CAPN3: variants seen among roughly 807,000 people sequenced by gnomAD.
CAPN3 encodes calpain 3, also known as calpain-3.
A neutral mutation model predicts 114.0 loss-of-function variants in CAPN3; 88 were observed. The ratio of observed to expected loss-of-function variants is 0.77; its 90% CI spans 0.65 to 0.92. The LOEUF is 0.92. CAPN3 is among the 40% of genes least tolerant of loss of function. The pLI, the probability that CAPN3 is intolerant of heterozygous loss-of-function variation, is 0.00. For synonymous variants in CAPN3, 386 were observed against 382.9 expected, an observed-to-expected ratio of 1.01 and a Z score of -0.09; for missense variants, 1,028 against 1,069.0, an observed-to-expected ratio of 0.96 and a Z score of 0.53.
chr15:42,402,184 G>GC, intron 12 of CAPN3, 49 bp downstream of exon 12: 4 of 1,613,476 alleles, frequency 2.5e-6, no homozygotes, highest in South Asian at 1.1e-5. Context: ...TACCCAGGGG[G>GC]CCCCGAGTCT....
intron 1 of CAPN3, among the ~76,000 whole-genome samples, chr15:42,367,351 T>C (rs2052815148): frequency 6.6e-6 from 1 of 152,134 alleles, no homozygotes; most frequent in Non-Finnish European, 1.5e-5. Flanking sequence ...TCAGAGGCTA[T>C]GGAGTGGTGT....
At chr15:42,409,638 T>C in intron 17 of CAPN3, 149 bp from the exon 18 acceptor site, 1 of 878,312 alleles carries the variant, frequency 1.1e-6, no homozygotes, top group Non-Finnish European at 1.9e-6. Flanking sequence ...TGGCCCCCTG[T>C]CTTCCTCAGA....
rs778381048 is a variant in CAPN3, at chr15:42,401,697, C to T, written c.1411C>T (p.Pro471Ser). Reference sequence around the variant, plus strand: ...GAAGCTCCTGGAGGAGGACGATGACCCTGATGACTCGGAGGTGATTTGCAG... The same window carrying T: ...GAAGCTCCTGGAGGAGGACGATGACTCTGATGACTCGGAGGTGATTTGCAG... ...RLKLLEEDDD[P>S]DDSEVICSFL... Residue 471 changes from proline to serine, a missense_variant, in exon 11 of 24, where the codon CCT becomes TCT. Pro to Ser is a moderately conservative substitution (Grantham distance 74). Coordinates refer to ENST00000397163, the MANE Select transcript of CAPN3 (RefSeq NM_000070.3). The T allele has an allele frequency of 1.5e-5, 24 of 1,614,024 alleles. No homozygotes were observed. The highest frequency in any genetic ancestry group is 1.9e-5 in the Non-Finnish European group (22 of 1,180,026).
At chr15:42,367,266 G>A (rs982596267) in intron 1 of CAPN3, among the ~76,000 whole-genome samples, 7 of 152,140 alleles carry the variant, frequency 4.6e-5, no homozygotes, top group African/African-American at 1.4e-4. Context: ...CAGGAGTGTG[G>A]GGAGAGAGAA....
intron 4 of CAPN3, 68 bp from the exon 5 acceptor site, chr15:42,388,860 G>T: frequency 2.3e-6 from 3 of 1,310,104 alleles, no homozygotes; most frequent in Non-Finnish European, 3.3e-6. Context: ...AGTTCTGGTG[G>T]CAGTGGTACC....
chr15:42,409,659 C>T (rs2054143806), intron 17 of CAPN3, 128 bp from the exon 18 acceptor site: 4 of 945,042 alleles, frequency 4.2e-6, no homozygotes, highest in Non-Finnish European at 5.2e-6. Flanking sequence ...AAAGCCCCAG[C>T]TTCCCATGAC....
chr15:42,364,576 A>G (rs2052730786), intron 1 of CAPN3, among the ~76,000 whole-genome samples: 1 of 152,226 alleles, frequency 6.6e-6, no homozygotes, highest in Non-Finnish European at 1.5e-5. Flanking sequence ...GTGTGTGTGA[A>G]TGCTCCCCTC....
At chr15:42,396,713 C>T (rs2053703896) in intron 8 of CAPN3, 87 bp from the exon 9 acceptor site, 1 of 1,042,012 alleles carries the variant, frequency 9.6e-7, no homozygotes. Flanking sequence ...AGCTGCAACT[C>T]TTTGTATTTC....
intron 9 of CAPN3, among the ~76,000 whole-genome samples, chr15:42,398,516 G>A (rs1383457486): frequency 6.6e-6 from 1 of 151,092 alleles, no homozygotes; most frequent in African/African-American, 2.4e-5. Context: ...CTCAGGAGGT[G>A]GAGGTTGCAG....
intron 1 of CAPN3, among the ~76,000 whole-genome samples, chr15:42,379,275 C>A (rs1191476431): frequency 6.6e-6 from 1 of 151,884 alleles, no homozygotes; most frequent in African/African-American, 2.4e-5. Flanking sequence ...CGCACCACTG[C>A]ACTCCAGCCT....
chr15:42,379,409 A>G (rs1265998671), intron 1 of CAPN3, among the ~76,000 whole-genome samples: 2 of 152,062 alleles, frequency 1.3e-5, no homozygotes, highest in African/African-American at 2.4e-5. Context: ...TTGTTCTGCT[A>G]TTGTTGGATG....
chr15:42,401,975 G>A (rs1263585021), intron 11 of CAPN3, 149 bp from the exon 12 acceptor site: 1 of 1,286,674 alleles, frequency 7.8e-7, no homozygotes, highest in African/African-American at 1.5e-5. Context: ...TACCAGGGGG[G>A]GCATTAGAGA....
intron 2 of CAPN3, chr15:42,385,747 G>C: frequency 3.8e-6 from 2 of 522,824 alleles, no homozygotes. Flanking sequence ...ATGGTTCTCT[G>C]AGGCTCAGTC....
chr15:42,381,116 C>T (rs1453459091), intron 1 of CAPN3, among the ~76,000 whole-genome samples: 2 of 151,978 alleles, frequency 1.3e-5, no homozygotes, highest in African/African-American at 4.8e-5. Context: ...GCTATAATTG[C>T]CCAATACATT....
chr15:42,410,849 C>A, intron 21 of CAPN3, 35 bp from the exon 22 acceptor site: 1 of 1,553,790 alleles, frequency 6.4e-7, no homozygotes, highest in Non-Finnish European at 8.9e-7. Context: ...AGGCCTCCAG[C>A]TCCACGTCCA....
intron 10 of CAPN3, among the ~76,000 whole-genome samples, chr15:42,400,164 CTT>C (rs1305462875): frequency 6.6e-6 from 1 of 152,206 alleles, no homozygotes; most frequent in Non-Finnish European, 1.5e-5. Context: ...ATGTGCATCT[CTT>C]TCACATTGTA....
At chr15:42,401,583 C>T in intron 10 of CAPN3, 58 bp from the exon 11 acceptor site, 1 of 1,528,348 alleles carries the variant, frequency 6.5e-7, no homozygotes. Flanking sequence ...TCTGTCTCAT[C>T]CCCTTCCTGC....
At chr15:42,380,751 ATTTTTTTT>A (rs59923448) in intron 1 of CAPN3, among the ~76,000 whole-genome samples, 1 of 64,482 alleles carries the variant, frequency 1.6e-5, no homozygotes, top group African/African-American at 9.0e-5. Context: ...ATATATATAT[ATTTTTTTT>A]TTTTTTTTTT....
chr15:42,402,919 C>T lies in CAPN3; in HGVS notation c.1662C>T (p.Tyr554=), dbSNP rs752848213. The part of the protein sequence containing the change: ...SQRFRLPPSE[Y]VIVPSTYEPH... ...GCTTCCGCCTGCCTCCCAGCGAGTA[C>T]GTCATCGTGCCCTCCACCTACGAGC... Residue 554 remains tyrosine (Y), a synonymous_variant, in exon 13 of 24, where the codon TAC becomes TAT. Coordinates refer to ENST00000397163, the MANE Select transcript of CAPN3 (RefSeq NM_000070.3). 7.4e-6 allele frequency: 12 copies of T among 1,614,056 alleles called. No homozygotes were observed. Among genetic ancestry groups the T allele is most frequent in the East Asian group, 2.2e-5 (1 of 44,884 alleles).
Sources: gnomAD v4.1 joint callset for allele counts (sites outside exome capture counted in the v4.1 genomes callset) on GRCh38, gnomAD v4.1.1 for gene constraint, MANE v1.5 for transcripts, NCBI Gene and HGNC (gene_info 2026-07-23, HGNC 2026-07-21) for gene names.